Variants in PRIM2 observed in about 807,000 individuals in gnomAD.
The protein encoded by PRIM2 is DNA primase subunit 2.
A neutral mutation model predicts 67.3 loss-of-function variants in PRIM2; 39 were observed. That is an observed-to-expected ratio of 0.58 (90% confidence interval 0.45 to 0.76). The LOEUF (loss-of-function observed/expected upper bound fraction) is 0.76, where lower values mean the gene tolerates loss of function less well. PRIM2 is among the 30% of genes least tolerant of loss of function. The probability of loss-of-function intolerance (pLI) is 0.00; values close to 1 mark genes in which losing one functional copy is unlikely to be tolerated. For synonymous variants in PRIM2, 143 were observed against 198.7 expected (o/e 0.72, Z 2.36); for missense variants, 398 against 598.7 (o/e 0.66, Z 3.50).
intron 7 of PRIM2, among the ~76,000 whole-genome samples, chr6:57,473,621 C>T (rs1221385876): frequency 6.6e-6 from 1 of 152,124 alleles, no homozygotes; most frequent in Non-Finnish European, 1.5e-5. Flanking sequence ...CCTTTGTTTT[C>T]AGCTTCTTAT....
intron 7 of PRIM2, among the ~76,000 whole-genome samples, chr6:57,500,161 T>C (rs1212818355): frequency 3.3e-5 from 5 of 152,202 alleles, no homozygotes; most frequent in African/African-American, 4.8e-5. Context: ...ATATTTCTTA[T>C]GTACATGTCT....
chr6:57,248,877 C>T, the PRIM2 span, among the ~76,000 whole-genome samples: 1 of 152,240 alleles, frequency 6.6e-6, no homozygotes, highest in South Asian at 2.1e-4. Flanking sequence ...TGTTTGAAAG[C>T]TACCTTACAG....
intron 10 of PRIM2, among the ~76,000 whole-genome samples, chr6:57,553,496 T>C (rs1775445444): frequency 6.6e-6 from 1 of 152,200 alleles, no homozygotes; most frequent in Non-Finnish European, 1.5e-5. Context: ...CTCAAGGTAA[T>C]TCAAGAAGAG....
intron 7 of PRIM2, among the ~76,000 whole-genome samples, chr6:57,387,154 C>T (rs551806927): frequency 7.2e-5 from 11 of 152,228 alleles, no homozygotes; most frequent in South Asian, 2.1e-4. Context: ...GACCAAATTA[C>T]GGTGAAATTA....
At chr6:57,644,126 C>T (rs1383138106) in intron 13 of PRIM2, among the ~76,000 whole-genome samples, 3 of 152,186 alleles carry the variant, frequency 2.0e-5, no homozygotes, top group Admixed American at 2.0e-4. Flanking sequence ...GTCTTGACCA[C>T]TTACCCTGAT....
the PRIM2 span, among the ~76,000 whole-genome samples, chr6:57,293,827 G>T: frequency 6.6e-6 from 1 of 151,468 alleles, no homozygotes; most frequent in Non-Finnish European, 1.5e-5. Flanking sequence ...CACACACTGG[G>T]GCCTGTTGGG....
At chr6:57,625,335 C>T (rs1382304508) in intron 12 of PRIM2, among the ~76,000 whole-genome samples, 1 of 152,102 alleles carries the variant, frequency 6.6e-6, no homozygotes, top group Admixed American at 6.5e-5. Flanking sequence ...AGAAACGTTA[C>T]CCTATTAAGT....
At chr6:57,577,422 TATAAA>T (rs1775983314) in intron 10 of PRIM2, among the ~76,000 whole-genome samples, 1 of 145,002 alleles carries the variant, frequency 6.9e-6, no homozygotes, top group Admixed American at 7.3e-5. Context: ...TTGCCTGGTA[TATAAA>T]TTTTTTTTTT....
At chr6:57,541,242 T>C (rs1421689804) in intron 10 of PRIM2, among the ~76,000 whole-genome samples, 15 of 152,146 alleles carry the variant, frequency 9.9e-5, no homozygotes, top group Non-Finnish European at 2.1e-4. Flanking sequence ...TATTTTCTTA[T>C]GACTTTCTTT....
chr6:57,504,310 A>G (rs1774207736), intron 7 of PRIM2, among the ~76,000 whole-genome samples: 1 of 152,214 alleles, frequency 6.6e-6, no homozygotes, highest in Non-Finnish European at 1.5e-5. Flanking sequence ...TTGGCATTTA[A>G]TGGAGGATTA....
intron 5 of PRIM2, among the ~76,000 whole-genome samples, chr6:57,337,782 A>G (rs956330383): frequency 3.7e-4 from 56 of 152,346 alleles, no homozygotes; most frequent in Non-Finnish European, 1.5e-4. Context: ...TTGACACCCT[A>G]ACATCACAAT....
chr6:57,401,623 TC>T (rs960651702), intron 7 of PRIM2, among the ~76,000 whole-genome samples: 2 of 152,054 alleles, frequency 1.3e-5, no homozygotes, highest in African/African-American at 4.8e-5. Context: ...TTATGTTCCT[TC>T]CCCATCTTGG....
chr6:57,236,337 C>CATT, the PRIM2 span, among the ~76,000 whole-genome samples: 132,394 of 150,408 alleles, frequency 0.88, 59,029 homozygotes, highest in South Asian at 0.98. Context: ...CTTCCCAATT[C>CATT]ATTATTATTA....
chr6:57,438,688 C>T (rs1312526439), intron 7 of PRIM2, among the ~76,000 whole-genome samples: 1 of 152,132 alleles, frequency 6.6e-6, no homozygotes, highest in African/African-American at 2.4e-5. Context: ...GAAAACCATA[C>T]TATCTCCAGG....
At chr6:57,339,142 T>C (rs1369647531) in intron 5 of PRIM2, among the ~76,000 whole-genome samples, 3 of 151,870 alleles carry the variant, frequency 2.0e-5, no homozygotes, top group Admixed American at 6.6e-5. Flanking sequence ...GGAATCCAAC[T>C]TACAAGGGAT....
Position 57,454,761 on chromosome 6 carries a change from G to T in PRIM2, c.694-52626G>T, listed in dbSNP as rs1365951719. Among the ~76,000 whole-genome samples, 4 of 152,028 alleles carry T rather than the reference G, an allele frequency of 2.6e-5. No homozygotes were observed. In the South Asian group the frequency reaches 6.2e-4, roughly 24 times the overall value. ...CTCCTGGATTCATTGATTTTTTGAA[G>T]GGTTTTTTTGTGTCTCTATTTCCTT... On this transcript the variant is annotated intron_variant, in intron 7 of 13. Coordinates refer to ENST00000615550, the MANE Select transcript of PRIM2 (RefSeq NM_000947.5).
chr6:57,537,730 A>T (rs1258618130), intron 10 of PRIM2, 105 bp downstream of exon 10: 47,255 of 576,766 alleles, frequency 0.082, 2,304 homozygotes, highest in African/African-American at 0.17. Context: ...AATGTAGTTG[A>T]AAATTCTAAA....
intron 7 of PRIM2, among the ~76,000 whole-genome samples, chr6:57,467,888 G>C (rs1390461396): frequency 6.6e-6 from 1 of 152,022 alleles, no homozygotes; most frequent in African/African-American, 2.4e-5. Flanking sequence ...TCTCTTTGTA[G>C]CAGTTGTGAA....
intron 10 of PRIM2, among the ~76,000 whole-genome samples, chr6:57,569,880 A>G (rs1268206357): frequency 6.6e-6 from 1 of 151,892 alleles, no homozygotes; most frequent in East Asian, 1.9e-4. Context: ...AGTAGCTGGG[A>G]CTACAGGCAC....
Sources: allele counts gnomAD v4.1 joint callset (sites outside exome capture counted in the v4.1 genomes callset), GRCh38; gene constraint gnomAD v4.1.1; transcripts MANE v1.5; gene names NCBI Gene and HGNC (gene_info 2026-07-23, HGNC 2026-07-21).